C1QTNF6: variants seen among roughly 807,000 people sequenced by gnomAD.
C1QTNF6 encodes the protein C1q and TNF related 6, also known as complement C1q tumor necrosis factor-related protein 6.
Under a neutral mutation model 20.7 loss-of-function variants are expected in C1QTNF6, and 17 were observed. The observed-to-expected ratio is 0.82, with a 90% CI of 0.56 to 1.23. The LOEUF is 1.23. C1QTNF6 is among the 50% of genes most tolerant of loss of function. The pLI is 0.00. For synonymous variants in C1QTNF6, 130 were observed against 156.3 expected (o/e 0.83, Z 1.25); for missense variants, 329 against 389.7 (o/e 0.84, Z 1.31).
At position 37,182,553 on chromosome 22, in the gene C1QTNF6, C is replaced by T. The variant is rs370547311; in HGVS notation, c.472G>A (p.Glu158Lys). 55 of 1,614,076 alleles carry T rather than the reference C, an allele frequency of 3.4e-5. No homozygotes were observed. The highest frequency in any genetic ancestry group is 4.5e-5 in the East Asian group (2 of 44,900). The change falls in exon 3 of 3, where the codon GAG (glutamate) becomes AAG (lysine). Residue 158 changes from glutamate (E) to lysine (K), a missense_variant. Transcript: ENST00000337843. ...VGRKTALHSG[E>K]DFQTLLFERV... The stretch of plus-strand genomic sequence containing the variant: ...TCGAAGAGCAGCGTCTGGAAGTCCT[C>T]GCCGCTGTGCAGGGCCGTCTTGCGG...
upstream of C1QTNF6, chr22:37,199,355 A>T (rs534970320): frequency 6.6e-6 from 1 of 152,350 alleles, no homozygotes; most frequent in Non-Finnish European, 1.5e-5. Context: ...CCGAGGGACG[A>T]GGACCTGCCT....
chr22:37,182,947 A>C, intron 2 of C1QTNF6: 1 of 1,423,678 alleles, frequency 7.0e-7, no homozygotes, highest in Non-Finnish European at 9.1e-7. Flanking sequence ...AGGGTGAGTG[A>C]CTCACCCCGG....
rs1923713984 is a variant in C1QTNF6, at chr22:37,180,964, T to G, written c.*1224A>C. 6.6e-6 allele frequency: 1 copy of G among 152,344 alleles called. No homozygotes were observed. The highest frequency in any genetic ancestry group is 2.1e-4 in the South Asian group (1 of 4,828). 9.4% of individuals were successfully genotyped at this position (152,344 alleles called of 1,614,324 possible). A position where few individuals can be genotyped will look rare whatever the true frequency, so the allele number is the denominator to read the frequency against. On this transcript the variant is annotated 3_prime_UTR_variant, in exon 3 of 3. Transcript: ENST00000337843. ...CTGGGTCCTCTCCTCACAGAACCCT[T>G]GACCTGGCCAAGGCCCCCTGGGGTT...
Position 37,182,080 on chromosome 22 carries a change from C to G in C1QTNF6, c.*108G>C, listed in dbSNP as rs2145755805. On this transcript the variant is annotated 3_prime_UTR_variant, in exon 3 of 3. Coordinates refer to ENST00000337843, the MANE Select transcript of C1QTNF6 (RefSeq NM_031910.4). ...GCAGGGTCTCCCCAGAATGCCAGGTCCCCGGGGACCTCCCTGGCCTTCCTG... is the reference window on the plus strand; with the variant it reads ...GCAGGGTCTCCCCAGAATGCCAGGTGCCCGGGGACCTCCCTGGCCTTCCTG... 1 of 1,263,816 alleles carries G rather than the reference C, an allele frequency of 7.9e-7. No individual in the cohort carries two copies. Among genetic ancestry groups the G allele is most frequent in the East Asian group, 2.5e-5 (1 of 39,404 alleles). 78.3% of individuals were successfully genotyped at this position (1,263,816 alleles called of 1,614,324 possible). A position where few individuals can be genotyped will look rare whatever the true frequency, so the allele number is the denominator to read the frequency against.
Position 37,182,101 on chromosome 22 carries a change from TC to T in C1QTNF6, c.*86del, listed in dbSNP as rs1235437799. The T allele has an allele frequency of 1.4e-6, 2 of 1,436,532 alleles. No homozygotes were observed. Among genetic ancestry groups the T allele is most frequent in the African/African-American group, 2.9e-5 (2 of 69,922 alleles). 89.0% of individuals were successfully genotyped at this position (1,436,532 alleles called of 1,614,324 possible). A position where few individuals can be genotyped will look rare whatever the true frequency, so the allele number is the denominator to read the frequency against. On this transcript the variant is annotated 3_prime_UTR_variant, in exon 3 of 3. Transcript: ENST00000337843. ...AGGTCCCCGGGGACCTCCCTGGCCTTCCTGCTTCACAGCAGTGCAAACTGAG... is the reference window on the plus strand; with the variant it reads ...AGGTCCCCGGGGACCTCCCTGGCCTTCTGCTTCACAGCAGTGCAAACTGAG...
Position 37,182,028 on chromosome 22 carries a change from G to C in C1QTNF6, c.*160C>G, listed in dbSNP as rs1923806077. On this transcript the variant is annotated 3_prime_UTR_variant, in exon 3 of 3. Coordinates refer to ENST00000337843, the MANE Select transcript of C1QTNF6 (RefSeq NM_031910.4). ...AGAAGAGAGGAGCAGAAATAGGCTG[G>C]GAGGGATGATGGCAGCCAAGATAGA... 2 of 727,434 alleles carry C rather than the reference G, an allele frequency of 2.7e-6. No individual in the cohort carries two copies. The highest frequency in any genetic ancestry group is 5.9e-5 in the Admixed American group (2 of 33,700). The allele number at this position is 727,434 out of a possible 1,614,324, so 45.1% of individuals were successfully genotyped here.
At chr22:37,197,509 T>C (rs1388598591) in intron 1 of C1QTNF6, 1 of 152,242 alleles carries the variant, frequency 6.6e-6, no homozygotes, top group Non-Finnish European at 1.5e-5. Context: ...CTGGCAGTGT[T>C]CCATACCGCC....
chr22:37,188,396 T>C, upstream of C1QTNF6: 1 of 512,888 alleles, frequency 1.9e-6, no homozygotes, highest in Non-Finnish European at 3.3e-6. Flanking sequence ...AGCCTCTGGG[T>C]TCTGCGGAGA....
intron 2 of C1QTNF6, among the ~76,000 whole-genome samples, chr22:37,183,915 A>C (rs1028693435): frequency 1.3e-5 from 2 of 152,168 alleles, no homozygotes; most frequent in Admixed American, 6.5e-5. Context: ...AGCCTGACTC[A>C]CTGGGCAAGG....
chr22:37,188,075 C>A, intron 1 of C1QTNF6, 88 bp downstream of exon 1: 2 of 1,407,076 alleles, frequency 1.4e-6, no homozygotes, highest in Non-Finnish European at 2.0e-6. Flanking sequence ...GAGCAGGGCC[C>A]GAGATGCTTC....
upstream of C1QTNF6, among the ~76,000 whole-genome samples, chr22:37,192,814 G>C (rs528942724): frequency 8.5e-5 from 13 of 152,306 alleles, no homozygotes; most frequent in African/African-American, 3.1e-4. Context: ...TCCAGTAGTT[G>C]TAAGATTTTT....
chr22:37,199,128 G>C (rs928919223), upstream of C1QTNF6, among the ~76,000 whole-genome samples: 1 of 152,228 alleles, frequency 6.6e-6, no homozygotes, highest in Non-Finnish European at 1.5e-5. Context: ...CCCCCGACAC[G>C]ACAGAACAGT....
upstream of C1QTNF6, among the ~76,000 whole-genome samples, chr22:37,199,172 G>GACAACCTCT (rs1444768995): frequency 6.6e-6 from 1 of 152,206 alleles, no homozygotes; most frequent in Non-Finnish European, 1.5e-5. Context: ...TGCGGCTGGC[G>GACAACCTCT]CCAACCTCTC....
intron 2 of C1QTNF6, among the ~76,000 whole-genome samples, chr22:37,193,951 T>C (rs1924975624): frequency 6.6e-6 from 1 of 152,200 alleles, no homozygotes; most frequent in Admixed American, 6.5e-5. Flanking sequence ...GCCACGGCAC[T>C]AGACAGTTTC....
upstream of C1QTNF6, chr22:37,188,307 G>GGGAGAGAGGAGGGGATGGAT: frequency 8.3e-7 from 1 of 1,205,514 alleles, no homozygotes; most frequent in Non-Finnish European, 1.1e-6. Flanking sequence ...AGGGGATGGA[G>GGGAGAGAGGAGGGGATGGAT]GGAGAGAGGG....
At position 37,184,845 on chromosome 22, in the gene C1QTNF6, T is replaced by C. The variant is rs937966155; in HGVS notation, c.289+373A>G. On this transcript the variant is annotated intron_variant, in intron 2 of 2. Transcript: ENST00000337843. This position sits in a 1 kb window ranked among gnomAD's most constrained non-coding sequence, Gnocchi z 4.0. ...GCTCCTCCACCACCTCTTAGAAGCC[T>C]GTGCTCCATGGGTCCTCCACTGACC... 2.0e-5 allele frequency among the ~76,000 whole-genome samples: 3 copies of C among 152,208 alleles called. No individual in the cohort carries two copies. The highest frequency in any genetic ancestry group is 1.3e-4 in the Admixed American group (2 of 15,298).
intron 1 of C1QTNF6, among the ~76,000 whole-genome samples, chr22:37,186,407 G>C (rs3859844): frequency 1.3e-5 from 2 of 152,200 alleles, no homozygotes; most frequent in African/African-American, 4.8e-5. Flanking sequence ...GGGTTCTGTA[G>C]AGAGAGTTAG....
In C1QTNF6 at chr22:37,184,472, A is replaced by G; in HGVS notation, c.289+746T>C. The G allele has an allele frequency of 1.4e-6, 1 of 715,746 alleles. No homozygotes were observed. The highest frequency in any genetic ancestry group is 2.6e-6 in the Non-Finnish European group (1 of 384,782). The allele number at this position is 715,746 out of a possible 1,614,324, so 44.3% of individuals were successfully genotyped here. A position where few individuals can be genotyped will look rare whatever the true frequency, so the allele number is the denominator to read the frequency against. ...GAGCGGGTAGCCAGCCCGCACCTGG[A>G]CGGCCCTCACCTGGATGCCTTTCAC... On this transcript the variant is annotated intron_variant, in intron 2 of 2. Transcript: ENST00000337843. The surrounding 1 kb of genome is among the most constrained non-coding windows in gnomAD (Gnocchi z 4.0).
Position 37,182,077 on chromosome 22 carries a change from G to T in C1QTNF6, c.*111C>A. On this transcript the variant is annotated 3_prime_UTR_variant, in exon 3 of 3. Transcript: ENST00000337843. ...GAAGCAGGGTCTCCCCAGAATGCCAGGTCCCCGGGGACCTCCCTGGCCTTC... is the reference window on the plus strand; with the variant it reads ...GAAGCAGGGTCTCCCCAGAATGCCATGTCCCCGGGGACCTCCCTGGCCTTC... 1.6e-6 allele frequency: 2 copies of T among 1,240,304 alleles called. No homozygotes were observed. Among genetic ancestry groups the T allele is most frequent in the Non-Finnish European group, 2.2e-6 (2 of 914,554 alleles). The allele number at this position is 1,240,304 out of a possible 1,614,324, so 76.8% of individuals were successfully genotyped here.
Sources: gnomAD v4.1 joint callset for allele counts (sites outside exome capture counted in the v4.1 genomes callset) on GRCh38, gnomAD v4.1.1 for gene constraint, Gnocchi (gnomAD v3.1) non-coding constraint, MANE v1.5 for transcripts, NCBI Gene and HGNC (gene_info 2026-07-23, HGNC 2026-07-21) for gene names.